TMEM108: variants seen among roughly 807,000 people sequenced by gnomAD.
TMEM108 encodes the protein transmembrane protein 108.
A neutral mutation model predicts 35.1 loss-of-function variants in TMEM108; 12 were observed. That is an observed-to-expected ratio of 0.34 (90% confidence interval 0.22 to 0.55). The LOEUF (loss-of-function observed/expected upper bound fraction) is 0.55, where lower values mean the gene tolerates loss of function less well. Among genes scored for constraint, TMEM108 ranks in the 20% least tolerant of loss-of-function variants. TMEM108 has a pLI of 0.89. For synonymous variants in TMEM108, 287 were observed against 308.6 expected (o/e 0.93, Z 0.73); for missense variants, 680 against 753.3 (o/e 0.90, Z 1.14).
chr3:133,371,274 T>C (rs941446741), intron 3 of TMEM108, among the ~76,000 whole-genome samples: 1 of 152,188 alleles, frequency 6.6e-6, no homozygotes, highest in African/African-American at 2.4e-5. Flanking sequence ...CATAAGTCTG[T>C]AGCTGGGGAG....
intron 2 of TMEM108, among the ~76,000 whole-genome samples, chr3:133,047,149 A>G (rs909172961): frequency 2.0e-5 from 3 of 152,224 alleles, no homozygotes; most frequent in Non-Finnish European, 4.4e-5. Flanking sequence ...CGTCAGCAGA[A>G]GAGTCCAGGT....
At chr3:133,304,461 G>A (rs55854402) in intron 3 of TMEM108, among the ~76,000 whole-genome samples, 53,664 of 151,488 alleles carry the variant, frequency 0.35, 9,587 homozygotes, top group East Asian at 0.48. Flanking sequence ...ATACATTTCT[G>A]TCACCCCAAA....
At chr3:133,316,502 C>A (rs2071201043) in intron 3 of TMEM108, among the ~76,000 whole-genome samples, 1 of 152,190 alleles carries the variant, frequency 6.6e-6, no homozygotes, top group South Asian at 2.1e-4. Context: ...TGTACTATCA[C>A]TTGAACATCA....
intron 2 of TMEM108, among the ~76,000 whole-genome samples, chr3:133,148,111 T>C (rs535513818): frequency 6.6e-6 from 1 of 152,306 alleles, no homozygotes; most frequent in East Asian, 1.9e-4. Context: ...GCTGTATCCA[T>C]GAAGAGCAAT....
intron 2 of TMEM108, among the ~76,000 whole-genome samples, chr3:133,127,093 A>T (rs1199698247): frequency 6.6e-6 from 1 of 152,176 alleles, no homozygotes; most frequent in Non-Finnish European, 1.5e-5. Flanking sequence ...GCACATCTCA[A>T]TTGGGACACT....
intron 3 of TMEM108, among the ~76,000 whole-genome samples, chr3:133,366,922 T>C (rs973736972): frequency 3.3e-5 from 5 of 152,310 alleles, no homozygotes; most frequent in South Asian, 4.2e-4. Context: ...TCAGGTTTAT[T>C]GAGGGGACTC....
chr3:133,334,378 G>A (rs1011392563), intron 3 of TMEM108, among the ~76,000 whole-genome samples: 4 of 152,160 alleles, frequency 2.6e-5, no homozygotes, highest in African/African-American at 9.7e-5. Context: ...CTTAAATTAA[G>A]GCCATTGAGA....
intron 2 of TMEM108, among the ~76,000 whole-genome samples, chr3:133,128,562 G>C (rs74361246): frequency 0.031 from 4,674 of 152,206 alleles, 130 homozygotes; most frequent in South Asian, 0.064. Context: ...CTGGATGCCA[G>C]TCCCAAGTCT....
intron 4 of TMEM108, chr3:133,388,154 T>C: frequency 1.0e-6 from 1 of 985,468 alleles, no homozygotes; most frequent in East Asian, 1.1e-4. Flanking sequence ...ACAGCACTTT[T>C]CCCACTTCCC....
At chr3:133,382,562 T>C (rs77146833) in intron 4 of TMEM108, among the ~76,000 whole-genome samples, 2,488 of 152,322 alleles carry the variant, frequency 0.016, 27 homozygotes, top group Non-Finnish European at 0.025. Context: ...AGGGAGCCGA[T>C]GGTGGACTCT....
At chr3:133,145,479 G>GT (rs1368137052) in intron 2 of TMEM108, among the ~76,000 whole-genome samples, 6 of 151,852 alleles carry the variant, frequency 4.0e-5, no homozygotes, top group South Asian at 2.1e-4. Flanking sequence ...ATTTAAAGTA[G>GT]TTTTTTTTCT....
At chr3:133,147,901 G>A (rs547320989) in intron 2 of TMEM108, among the ~76,000 whole-genome samples, 4 of 151,076 alleles carry the variant, frequency 2.6e-5, no homozygotes, top group African/African-American at 9.7e-5. Flanking sequence ...TGCATATTTG[G>A]ATAGCTAGCT....
At chr3:133,386,227 G>A (rs1468889734) in intron 4 of TMEM108, among the ~76,000 whole-genome samples, 2 of 152,190 alleles carry the variant, frequency 1.3e-5, no homozygotes, top group Non-Finnish European at 2.9e-5. Flanking sequence ...TGCATGTTAG[G>A]TCTTATCTTA....
intron 3 of TMEM108, among the ~76,000 whole-genome samples, chr3:133,341,238 T>C (rs759948562): frequency 2.6e-5 from 4 of 151,822 alleles, no homozygotes; most frequent in Non-Finnish European, 5.9e-5. Flanking sequence ...CATACAAAAA[T>C]CAGTAGCATT....
At chr3:133,300,738 T>G (rs1162999326) in intron 3 of TMEM108, among the ~76,000 whole-genome samples, 1 of 152,072 alleles carries the variant, frequency 6.6e-6, no homozygotes, top group Non-Finnish European at 1.5e-5. Flanking sequence ...CTGGAGTGAT[T>G]AGGGCTGAGG....
chr3:133,374,859 G>A (rs1289015534), intron 3 of TMEM108, among the ~76,000 whole-genome samples: 1 of 152,252 alleles, frequency 6.6e-6, no homozygotes, highest in Non-Finnish European at 1.5e-5. Context: ...CTCCAAAGAT[G>A]TGAATCATTG....
chr3:133,358,950 C>G (rs938684045), intron 3 of TMEM108, among the ~76,000 whole-genome samples: 2 of 152,150 alleles, frequency 1.3e-5, no homozygotes, highest in Non-Finnish European at 2.9e-5. Context: ...CCCCTGCCAT[C>G]TCTAGATCAG....
intron 2 of TMEM108, among the ~76,000 whole-genome samples, chr3:133,181,008 TAAA>T (rs369228472): frequency 0.15 from 11,225 of 74,974 alleles, 912 homozygotes; most frequent in Non-Finnish European, 0.19. Context: ...GCAGTTGTGT[TAAA>T]AAAAAAAAAA....
intron 2 of TMEM108, among the ~76,000 whole-genome samples, chr3:133,095,867 A>G (rs1004023857): frequency 1.3e-5 from 2 of 152,162 alleles, no homozygotes; most frequent in Admixed American, 1.3e-4. Context: ...GACCAGTATC[A>G]GTCCATGGCC....
Sources: gnomAD v4.1 joint callset for allele counts (sites outside exome capture counted in the v4.1 genomes callset) on GRCh38, gnomAD v4.1.1 for gene constraint, MANE v1.5 for transcripts, NCBI Gene and HGNC (gene_info 2026-07-23, HGNC 2026-07-21) for gene names.